The following SPATA6L variants were observed in gnomAD, a reference collection of about 807,000 sequenced individuals.
SPATA6L encodes the protein spermatogenesis associated 6-like protein.
SPATA6L carries 68 observed loss-of-function variants against 49.2 expected under a neutral mutation model. That is an observed-to-expected ratio of 1.38 (90% CI 1.14 to 1.69). SPATA6L has a LOEUF of 1.69. Ranked by LOEUF, SPATA6L falls within the 40% of genes most tolerant of loss-of-function variation. The pLI is 0.00. For synonymous variants in SPATA6L, 198 were observed against 165.7 expected, an observed-to-expected ratio of 1.19 and a Z score of -1.50; for missense variants, 668 against 464.3, an observed-to-expected ratio of 1.44 and a Z score of -4.03.
chr9:4,653,164 A>G (rs769764612), intron 3 of SPATA6L, among the ~76,000 whole-genome samples: 3 of 152,266 alleles, frequency 2.0e-5, no homozygotes, highest in South Asian at 2.1e-4. Flanking sequence ...CAATAGACAT[A>G]TGAATCAATA....
At chr9:4,638,384 T>C (rs1352305831) in intron 3 of SPATA6L, among the ~76,000 whole-genome samples, 2 of 152,106 alleles carry the variant, frequency 1.3e-5, no homozygotes, top group Non-Finnish European at 2.9e-5. Flanking sequence ...GGCTAATTTT[T>C]GTACTTTTAG....
At chr9:4,664,553 G>T (rs1398923278) in intron 1 of SPATA6L, 1 of 167,014 alleles carries the variant, frequency 6.0e-6, no homozygotes, top group Non-Finnish European at 1.5e-5. Flanking sequence ...ACGCAGGGTG[G>T]ACTCTGCTCA....
chr9:4,609,180 C>G (rs560297090), intron 9 of SPATA6L, among the ~76,000 whole-genome samples: 16 of 151,386 alleles, frequency 1.1e-4, no homozygotes, highest in South Asian at 8.3e-4. Context: ...AAAGAGTCCA[C>G]GACCAGATGG....
intron 10 of SPATA6L, among the ~76,000 whole-genome samples, 154 bp from the exon 11 acceptor site, chr9:4,604,423 T>G (rs1325027850): frequency 1.3e-5 from 2 of 152,132 alleles, no homozygotes; most frequent in Non-Finnish European, 2.9e-5. Context: ...GAATCTTTCT[T>G]TTTTTGTAGA....
rs374363873 is a variant in SPATA6L at position 4,618,941 on chromosome 9, C to G, written c.773-43G>C. On this transcript the variant is annotated intron_variant, in intron 7 of 11. Coordinates refer to ENST00000682582, the MANE Select transcript of SPATA6L (RefSeq NM_001353486.2). ...AGGCATTTCAATGACTCATTATTAC[C>G]ATTTAGCCTTAAAACTGCCATTATA... 1.0e-4 allele frequency: 160 copies of G among 1,585,748 alleles called. No homozygotes were observed. In the African/African-American group the frequency reaches 2.0e-3, roughly 19 times the overall value.
chr9:4,629,576 G>A (rs529895429), intron 4 of SPATA6L, among the ~76,000 whole-genome samples: 1 of 151,980 alleles, frequency 6.6e-6, no homozygotes, highest in East Asian at 1.9e-4. Context: ...ATTACCTAGA[G>A]AGAGGTATGA....
chr9:4,643,730 G>A (rs1251702414), intron 3 of SPATA6L, among the ~76,000 whole-genome samples: 3 of 152,024 alleles, frequency 2.0e-5, no homozygotes, highest in Non-Finnish European at 4.4e-5. Flanking sequence ...GTAGGCCGGG[G>A]GCAGTGGCTC....
intron 5 of SPATA6L, chr9:4,626,510 T>G (rs1479568809): frequency 7.7e-7 from 1 of 1,304,238 alleles, no homozygotes; most frequent in African/African-American, 1.5e-5. Context: ...TTCTTTAAGC[T>G]TCTGTGTTCT....
At chr9:4,612,284 G>A (rs1564152176) in intron 9 of SPATA6L, among the ~76,000 whole-genome samples, 1 of 152,152 alleles carries the variant, frequency 6.6e-6, no homozygotes, top group East Asian at 1.9e-4. Flanking sequence ...TCCAATCCTG[G>A]TTGTTTCCTA....
At position 4,603,823 on chromosome 9, in the gene SPATA6L, T is replaced by C. The variant is rs187037827; in HGVS notation, c.*1+356A>G. Among the ~76,000 whole-genome samples the C allele has an allele frequency of 3.9e-5, 6 of 152,236 alleles. No homozygotes were observed. The South Asian group carries it at 6.2e-4, about 16-fold the overall frequency. On this transcript the variant is annotated intron_variant, in intron 11 of 11. Transcript: ENST00000682582. ...TAAGCCTGGAAGGACAAATAGAAGT[T>C]ATCCAGGCAGAGTCAGGAAGACATA...
intron 9 of SPATA6L, among the ~76,000 whole-genome samples, chr9:4,609,774 T>C (rs1358123456): frequency 1.3e-5 from 2 of 151,436 alleles, no homozygotes; most frequent in East Asian, 1.9e-4. Flanking sequence ...CTATTCAACA[T>C]AGTGTTGGAA....
At chr9:4,620,696 T>A (rs764471421) in intron 7 of SPATA6L, among the ~76,000 whole-genome samples, 1 of 152,160 alleles carries the variant, frequency 6.6e-6, no homozygotes, top group African/African-American at 2.4e-5. Context: ...TGTGTGACCT[T>A]TACACACATT....
chr9:4,645,008 G>C (rs118063340), intron 3 of SPATA6L, among the ~76,000 whole-genome samples: 3,175 of 152,318 alleles, frequency 0.021, 39 homozygotes, highest in Middle Eastern at 0.054. Flanking sequence ...TTCTGCAAAA[G>C]TGGCTATAAA....
chr9:4,638,325 C>A (rs1380428208), intron 3 of SPATA6L, among the ~76,000 whole-genome samples: 1 of 152,086 alleles, frequency 6.6e-6, no homozygotes, highest in African/African-American at 2.4e-5. Context: ...GATTCTCTTG[C>A]CTCAGCCTCC....
chr9:4,601,304 G>C (rs1387410603), intron 11 of SPATA6L, among the ~76,000 whole-genome samples: 2 of 151,328 alleles, frequency 1.3e-5, no homozygotes, highest in African/African-American at 2.4e-5. Flanking sequence ...TGGGGGCCGG[G>C]ATTTCACGGC....
intron 11 of SPATA6L, among the ~76,000 whole-genome samples, chr9:4,603,401 G>T (rs574733008): frequency 6.6e-6 from 1 of 152,158 alleles, no homozygotes; most frequent in African/African-American, 2.4e-5. Flanking sequence ...TTGCACTCTA[G>T]CCTGGGTGAC....
At chr9:4,598,313 G>T (rs1163932238), downstream of SPATA6L, among the ~76,000 whole-genome samples, 1 of 152,118 alleles carries the variant, frequency 6.6e-6, no homozygotes, top group Admixed American at 6.5e-5. Flanking sequence ...AGACAGATGG[G>T]AATTCTTTTT....
intron 2 of SPATA6L, 138 bp downstream of exon 2, chr9:4,661,761 T>TTTGCTTCAAGGCCGACTGCGGTG: frequency 8.4e-7 from 1 of 1,192,974 alleles, no homozygotes. Context: ...CGACTGCGGT[T>TTTGCTTCAAGGCCGACTGCGGTG]TTGCATTGTG....
intron 2 of SPATA6L, among the ~76,000 whole-genome samples, chr9:4,658,403 C>G (rs1587514720): frequency 6.6e-6 from 1 of 152,296 alleles, no homozygotes; most frequent in Admixed American, 6.5e-5. Flanking sequence ...AAAGTAGTTG[C>G]AGCTAGAGAA....
Sources: allele counts gnomAD v4.1 joint callset (sites outside exome capture counted in the v4.1 genomes callset), GRCh38; gene constraint gnomAD v4.1.1; transcripts MANE v1.5; gene names NCBI Gene and HGNC (gene_info 2026-07-23, HGNC 2026-07-21).